The following CDH13 variants were observed in gnomAD, a reference collection of about 807,000 sequenced individuals.
The protein encoded by CDH13 is cadherin 13, also known as cadherin-13.
In CDH13, 24 loss-of-function variants were observed where a neutral mutation model predicts 63.8. That is an observed-to-expected ratio of 0.38 (90% CI 0.27 to 0.53). CDH13 has a LOEUF of 0.53. Among genes scored for constraint, CDH13 ranks in the 20% least tolerant of loss-of-function variants. The pLI, the probability that CDH13 is intolerant of heterozygous loss-of-function variation, is 0.85. For synonymous variants in CDH13, 503 were observed against 355.3 expected, an observed-to-expected ratio of 1.42 and a Z score of -4.67; for missense variants, 1,049 against 903.1, an observed-to-expected ratio of 1.16 and a Z score of -2.07.
chr16:83,037,229 T>G (rs1232486648), intron 3 of CDH13, among the ~76,000 whole-genome samples: 1 of 152,246 alleles, frequency 6.6e-6, no homozygotes, highest in Non-Finnish European at 1.5e-5. Context: ...ATGTTATTTC[T>G]AATTCTCACA....
intron 8 of CDH13, among the ~76,000 whole-genome samples, chr16:83,644,859 G>A (rs1911643824): frequency 6.6e-6 from 1 of 152,182 alleles, no homozygotes. Context: ...AAGCCTCTAA[G>A]GCACAGCAAG....
intron 2 of CDH13, among the ~76,000 whole-genome samples, chr16:82,910,505 G>A (rs1444965578): frequency 6.6e-6 from 1 of 151,912 alleles, no homozygotes; most frequent in African/African-American, 2.4e-5. Context: ...ATCTTCCCCA[G>A]ACAAACCTTG....
chr16:83,781,742 G>T (rs911056159), intron 12 of CDH13, among the ~76,000 whole-genome samples: 4 of 151,288 alleles, frequency 2.6e-5, no homozygotes, highest in African/African-American at 9.7e-5. Flanking sequence ...TTTCCAATTG[G>T]AACTTTCTCA....
intron 6 of CDH13, among the ~76,000 whole-genome samples, chr16:83,457,366 G>T (rs1277480274): frequency 6.6e-6 from 1 of 152,098 alleles, no homozygotes; most frequent in East Asian, 1.9e-4. Context: ...GGCAGGGTGG[G>T]CACTGAAGGG....
intron 3 of CDH13, among the ~76,000 whole-genome samples, chr16:83,060,785 C>A (rs1361422850): frequency 6.6e-6 from 1 of 152,214 alleles, no homozygotes; most frequent in Non-Finnish European, 1.5e-5. Context: ...TACCTATTGT[C>A]TGTTTTCACA....
intron 6 of CDH13, among the ~76,000 whole-genome samples, chr16:83,399,414 G>C (rs761140570): frequency 2.0e-5 from 3 of 152,062 alleles, no homozygotes; most frequent in African/African-American, 7.2e-5. Flanking sequence ...AAAAATTTTC[G>C]TCCAAAGTGT....
intron 13 of CDH13, among the ~76,000 whole-genome samples, chr16:83,784,409 A>C (rs533018566): frequency 6.6e-6 from 1 of 152,244 alleles, no homozygotes; most frequent in Non-Finnish European, 1.5e-5. Flanking sequence ...AGGTGGGTGG[A>C]TCATCTGAGA....
intron 5 of CDH13, among the ~76,000 whole-genome samples, chr16:83,311,312 C>T (rs1404784132): frequency 6.7e-6 from 1 of 149,108 alleles, no homozygotes; most frequent in Non-Finnish European, 1.5e-5. Flanking sequence ...GGCTGCTTTG[C>T]AGCAAGGAGA....
At chr16:83,370,841 A>T (rs2091353501) in intron 6 of CDH13, among the ~76,000 whole-genome samples, 1 of 152,200 alleles carries the variant, frequency 6.6e-6, no homozygotes, top group Admixed American at 6.5e-5. Flanking sequence ...CACATTATAT[A>T]TGTACCATAT....
chr16:83,799,721 A>G lies in CDH13; in HGVS notation c.*4691A>G, dbSNP rs1009569466. 5.9e-5 allele frequency: 9 copies of G among 152,214 alleles called. No homozygotes were observed. The highest frequency in any genetic ancestry group is 2.2e-4 in the African/African-American group (9 of 41,460). 9.4% of individuals were successfully genotyped at this position (152,214 alleles called of 1,614,324 possible). ...GATAATTTTCACAGTCTAATGATAA[A>G]ATGCTTTCAAAATGGTTCATCTAAC... is the stretch of plus-strand genomic sequence containing the variant. On this transcript the variant is annotated 3_prime_UTR_variant, in exon 14 of 14. Coordinates refer to ENST00000567109, the MANE Select transcript of CDH13 (RefSeq NM_001257.5).
chr16:82,812,003 C>T (rs186528638), intron 1 of CDH13, among the ~76,000 whole-genome samples: 4 of 152,092 alleles, frequency 2.6e-5, no homozygotes, highest in African/African-American at 7.2e-5. Flanking sequence ...GTAGGTTCTA[C>T]CTTCAGCCTT....
chr16:83,780,014 G>A lies in CDH13; in HGVS notation c.1728G>A (p.Glu576=). The A allele has an allele frequency of 6.2e-7, 1 of 1,613,898 alleles. No homozygotes were observed. Among genetic ancestry groups the A allele is most frequent in the Middle Eastern group, 1.6e-4 (1 of 6,062 alleles). Reference sequence around the variant, plus strand: ...CTGGGACTTTGCTGATAACCCTGGAGGACGTGAATGACAATGCCCCGTTCA... The same window carrying A: ...CTGGGACTTTGCTGATAACCCTGGAAGACGTGAATGACAATGCCCCGTTCA... ...TGTGTLLITL[E]DVNDNAPFIY... The change falls in exon 12 of 14, where the codon GAG becomes GAA. Residue 576 remains glutamate, a synonymous_variant. Coordinates refer to ENST00000567109, the MANE Select transcript of CDH13 (RefSeq NM_001257.5).
intron 11 of CDH13, among the ~76,000 whole-genome samples, chr16:83,748,807 A>C (rs930927969): frequency 6.6e-6 from 1 of 152,208 alleles, no homozygotes; most frequent in Non-Finnish European, 1.5e-5. Context: ...AGCAGTAAAC[A>C]AAAAGAAAGC....
chr16:83,362,368 C>A (rs898380741), intron 6 of CDH13, among the ~76,000 whole-genome samples: 1 of 152,226 alleles, frequency 6.6e-6, no homozygotes, highest in African/African-American at 2.4e-5. Flanking sequence ...ATTCTAAGGT[C>A]TTTCCTGACC....
chr16:83,245,503 A>G (rs1271858486), intron 5 of CDH13, among the ~76,000 whole-genome samples: 3 of 152,246 alleles, frequency 2.0e-5, no homozygotes, highest in Non-Finnish European at 4.4e-5. Flanking sequence ...TTTGGAAAGT[A>G]AAACCCGAGA....
intron 2 of CDH13, among the ~76,000 whole-genome samples, chr16:82,901,095 T>C (rs970367625): frequency 4.0e-5 from 6 of 151,744 alleles, no homozygotes; most frequent in African/African-American, 1.5e-4. Flanking sequence ...TTTTTGCCTT[T>C]ATTACACTTC....
chr16:83,597,070 A>G (rs1907332241), intron 7 of CDH13, among the ~76,000 whole-genome samples: 1 of 152,134 alleles, frequency 6.6e-6, no homozygotes, highest in South Asian at 2.1e-4. Context: ...AAAAAATACA[A>G]AAATTAGCCA....
chr16:83,268,150 T>A (rs922338409), intron 5 of CDH13, among the ~76,000 whole-genome samples: 4 of 152,180 alleles, frequency 2.6e-5, no homozygotes, highest in Non-Finnish European at 5.9e-5. Context: ...AAACCCCTGA[T>A]CATAGTAATT....
At chr16:83,519,991 C>T (rs1344621756) in intron 7 of CDH13, among the ~76,000 whole-genome samples, 1 of 152,092 alleles carries the variant, frequency 6.6e-6, no homozygotes, top group African/African-American at 2.4e-5. Flanking sequence ...AAATAAAGAT[C>T]TCATATTCAG....
Sources: allele counts gnomAD v4.1 joint callset (sites outside exome capture counted in the v4.1 genomes callset), GRCh38; gene constraint gnomAD v4.1.1; transcripts MANE v1.5; gene names NCBI Gene and HGNC (gene_info 2026-07-23, HGNC 2026-07-21).